Variants in NSUN6 observed in about 807,000 individuals in gnomAD.
NSUN6 encodes the protein NOP2/Sun RNA methyltransferase 6, also known as tRNA (cytosine(72)-C(5))-methyltransferase NSUN6.
Under a neutral mutation model 58.0 loss-of-function variants are expected in NSUN6, and 64 were observed. The ratio of observed to expected loss-of-function variants is 1.10; its 90% CI spans 0.90 to 1.36. The LOEUF (loss-of-function observed/expected upper bound fraction) is 1.36, where lower values mean the gene tolerates loss of function less well. Among genes scored for constraint, NSUN6 ranks in the 40% most tolerant of loss-of-function variants. The pLI, the probability that NSUN6 is intolerant of heterozygous loss-of-function variation, is 0.00. For missense variants in NSUN6, 701 were observed against 550.1 expected, an observed-to-expected ratio of 1.27 and a Z score of -2.74; for synonymous variants, 231 against 193.9, an observed-to-expected ratio of 1.19 and a Z score of -1.59.
rs193071651 is a variant in NSUN6, at chr10:18,607,621, C to G, written c.657+2224G>C. On this transcript the variant is annotated intron_variant, in intron 6 of 10. Transcript: ENST00000377304. The stretch of plus-strand genomic sequence containing the variant: ...TATGAATTGCTTAAAGCCCTTACCC[C>G]CTGAACTTGGAACTCAGTACATCTA... Among the ~76,000 whole-genome samples the G allele has an allele frequency of 4.6e-4, 70 of 152,320 alleles. 1 individual carries two copies. Among genetic ancestry groups the G allele is most frequent in the African/African-American group, 1.7e-3 (69 of 41,566 alleles).
At chr10:18,657,605 C>T (rs939864002), upstream of NSUN6, among the ~76,000 whole-genome samples, 1 of 151,774 alleles carries the variant, frequency 6.6e-6, no homozygotes, top group South Asian at 2.1e-4. Flanking sequence ...TCTGCATTTT[C>T]TTTATTTTAT....
chr10:18,567,697 A>G (rs1213254074), intron 8 of NSUN6, among the ~76,000 whole-genome samples: 1 of 137,022 alleles, frequency 7.3e-6, no homozygotes, highest in East Asian at 2.2e-4. Flanking sequence ...TTCTCCTTCC[A>G]TTCTATTCTC....
intron 6 of NSUN6, among the ~76,000 whole-genome samples, chr10:18,601,342 T>TC (rs1358969369): frequency 6.6e-6 from 1 of 152,136 alleles, no homozygotes; most frequent in Non-Finnish European, 1.5e-5. Context: ...TGAAACTACG[T>TC]CACAGACTTC....
chr10:18,642,445 A>G lies in NSUN6; in HGVS notation c.311+31T>C, dbSNP rs750021935. ...CCTGTGACAAACTTTTATTGAGAATAATATAATTTGGAAATGAAGTTCTTA... is the reference window on the plus strand; with the variant it reads ...CCTGTGACAAACTTTTATTGAGAATGATATAATTTGGAAATGAAGTTCTTA... On this transcript the variant is annotated intron_variant, in intron 3 of 10. Coordinates refer to ENST00000377304, the MANE Select transcript of NSUN6 (RefSeq NM_182543.5). The G allele has an allele frequency of 3.8e-6, 4 of 1,050,044 alleles. No homozygotes were observed. The Admixed American group carries it at 7.1e-5, about 19-fold the overall frequency. The allele number at this position is 1,050,044 out of a possible 1,614,324, so 65.0% of individuals were successfully genotyped here.
At chr10:18,581,437 C>T (rs2131071854) in intron 8 of NSUN6, among the ~76,000 whole-genome samples, 1 of 152,260 alleles carries the variant, frequency 6.6e-6, no homozygotes, top group African/African-American at 2.4e-5. Context: ...TTACAAATGA[C>T]ATGGCAGCAT....
chr10:18,573,108 A>C (rs548837749), intron 8 of NSUN6, among the ~76,000 whole-genome samples: 1 of 141,460 alleles, frequency 7.1e-6, no homozygotes, highest in Non-Finnish European at 1.5e-5. Flanking sequence ...ATCCTCCGTT[A>C]CACTCCATTC....
chr10:18,598,992 T>C (rs2057702394), intron 6 of NSUN6, among the ~76,000 whole-genome samples: 1 of 152,124 alleles, frequency 6.6e-6, no homozygotes, highest in African/African-American at 2.4e-5. Context: ...TGAAAAAATA[T>C]AAAACAGCCC....
intron 8 of NSUN6, among the ~76,000 whole-genome samples, chr10:18,560,451 C>A (rs542509524): frequency 7.1e-6 from 1 of 140,208 alleles, no homozygotes; most frequent in South Asian, 2.3e-4. Flanking sequence ...AATAGAATGG[C>A]ATGCACTGGT....
At chr10:18,594,825 C>T (rs2057522068) in intron 7 of NSUN6, among the ~76,000 whole-genome samples, 1 of 152,152 alleles carries the variant, frequency 6.6e-6, no homozygotes, top group Admixed American at 6.5e-5. Context: ...CCTGCAATAT[C>T]CAATATGCTG....
intron 7 of NSUN6, among the ~76,000 whole-genome samples, chr10:18,590,614 G>T (rs529722353): frequency 4.6e-5 from 7 of 152,068 alleles, no homozygotes; most frequent in Non-Finnish European, 8.8e-5. Context: ...ACTCAAAACC[G>T]CACGACTACA....
At chr10:18,596,069 G>A in intron 7 of NSUN6, 139 bp downstream of exon 7, 1 of 659,816 alleles carries the variant, frequency 1.5e-6, no homozygotes, top group Non-Finnish European at 2.7e-6. Flanking sequence ...TTAATATGTA[G>A]TGACTGACAT....
chr10:18,555,906 A>AGAATG (rs142462616), intron 8 of NSUN6, among the ~76,000 whole-genome samples: 27,763 of 140,468 alleles, frequency 0.2, 3,050 homozygotes, highest in South Asian at 0.32. Context: ...AATGGAATGG[A>AGAATG]GAATGGAATG....
intron 4 of NSUN6, among the ~76,000 whole-genome samples, 194 bp from the exon 5 acceptor site, chr10:18,614,807 C>T (rs1425678023): frequency 6.6e-6 from 1 of 152,186 alleles, no homozygotes; most frequent in African/African-American, 2.4e-5. Context: ...ATAAAACTCA[C>T]TAAAGAATCT....
upstream of NSUN6, chr10:18,655,277 C>G: frequency 2.9e-5 from 8 of 273,724 alleles, no homozygotes; most frequent in Non-Finnish European, 3.9e-5. Context: ...TTTGACACCT[C>G]TGGTGTCAAG....
chr10:18,555,689 A>T (rs62636210), intron 8 of NSUN6, among the ~76,000 whole-genome samples: 6 of 139,180 alleles, frequency 4.3e-5, no homozygotes, highest in African/African-American at 1.6e-4. Context: ...TGGAGAATGG[A>T]ATGGACAGTG....
chr10:18,575,655 G>C (rs1051210531), intron 8 of NSUN6, among the ~76,000 whole-genome samples: 3 of 152,124 alleles, frequency 2.0e-5, no homozygotes, highest in African/African-American at 7.2e-5. Flanking sequence ...ACTTAACCAA[G>C]TTAGTCTTAG....
chr10:18,621,161 G>C (rs2058592274), intron 3 of NSUN6, among the ~76,000 whole-genome samples: 1 of 152,116 alleles, frequency 6.6e-6, no homozygotes, highest in Non-Finnish European at 1.5e-5. Flanking sequence ...CCAGAATGTG[G>C]GTATGTACCA....
At chr10:18,635,856 T>C (rs908011209) in intron 3 of NSUN6, among the ~76,000 whole-genome samples, 2 of 150,116 alleles carry the variant, frequency 1.3e-5, no homozygotes, top group African/African-American at 4.9e-5. Flanking sequence ...TTGTCGTTTT[T>C]TTTAAAAAAA....
intron 5 of NSUN6, among the ~76,000 whole-genome samples, chr10:18,611,409 T>C (rs1475584444): frequency 6.7e-6 from 1 of 149,764 alleles, no homozygotes; most frequent in Non-Finnish European, 1.5e-5. Context: ...TGGTGTGTAC[T>C]CTATCTAATG....
Sources: allele counts gnomAD v4.1 joint callset (sites outside exome capture counted in the v4.1 genomes callset), GRCh38; gene constraint gnomAD v4.1.1; transcripts MANE v1.5; gene names NCBI Gene and HGNC (gene_info 2026-07-23, HGNC 2026-07-21).